Variants in CSMD3 observed in about 807,000 individuals in gnomAD.
The protein encoded by CSMD3 is CUB and sushi domain-containing protein 3.
A neutral mutation model predicts 435.2 loss-of-function variants in CSMD3; 177 were observed. That is an observed-to-expected ratio of 0.41 (90% confidence interval 0.36 to 0.46). The LOEUF (loss-of-function observed/expected upper bound fraction) is 0.46. Ranked by LOEUF, CSMD3 falls within the 20% of genes least tolerant of loss-of-function variation. CSMD3 has a pLI of 0.34. For missense variants in CSMD3, 4,265 were observed against 4,504.6 expected (o/e 0.95, Z 1.52); for synonymous variants, 1,656 against 1,520.5 (o/e 1.09, Z -2.07).
At chr8:113,292,335 T>C (rs1301747795) in intron 2 of CSMD3, among the ~76,000 whole-genome samples, 1 of 151,766 alleles carries the variant, frequency 6.6e-6, no homozygotes, top group Non-Finnish European at 1.5e-5. Flanking sequence ...CTAATTTATA[T>C]TCAAAATATT....
chr8:112,729,000 T>A (rs1159083594), intron 13 of CSMD3, among the ~76,000 whole-genome samples: 1 of 152,072 alleles, frequency 6.6e-6, no homozygotes. Context: ...TTTTACATAG[T>A]ACAAATAATG....
intron 1 of CSMD3, among the ~76,000 whole-genome samples, chr8:113,433,408 A>C (rs2094687099): frequency 6.6e-6 from 1 of 152,164 alleles, no homozygotes. Context: ...AAAGGTGCTA[A>C]TGAGTGCCTC....
intron 1 of CSMD3, among the ~76,000 whole-genome samples, chr8:113,375,092 A>G (rs1386377110): frequency 6.6e-6 from 1 of 152,182 alleles, no homozygotes; most frequent in African/African-American, 2.4e-5. Context: ...AAATTTCTCT[A>G]TGGCTTTTCC....
intron 43 of CSMD3, among the ~76,000 whole-genome samples, chr8:112,337,288 C>G (rs566816689): frequency 6.6e-6 from 1 of 152,046 alleles, no homozygotes; most frequent in Non-Finnish European, 1.5e-5. Flanking sequence ...ACCCCCTTCC[C>G]TTCCCCACAC....
At chr8:112,506,958 G>A (rs1822598029) in intron 28 of CSMD3, 129 bp from the exon 29 acceptor site, 3 of 751,758 alleles carry the variant, frequency 4.0e-6, no homozygotes. Context: ...TATAGTACTT[G>A]ATGCTTGGAT....
At chr8:112,562,062 T>C (rs1828675175) in intron 24 of CSMD3, among the ~76,000 whole-genome samples, 1 of 151,726 alleles carries the variant, frequency 6.6e-6, no homozygotes. Flanking sequence ...CACGTGTTTT[T>C]ATAGGGCATG....
chr8:112,753,245 T>C (rs757015711), intron 13 of CSMD3, among the ~76,000 whole-genome samples: 2 of 151,996 alleles, frequency 1.3e-5, no homozygotes, highest in Non-Finnish European at 2.9e-5. Context: ...AAATGGAAAA[T>C]GACAAAACCT....
At chr8:112,847,323 G>C (rs909558754) in intron 11 of CSMD3, among the ~76,000 whole-genome samples, 1 of 152,044 alleles carries the variant, frequency 6.6e-6, no homozygotes, top group African/African-American at 2.4e-5. Flanking sequence ...GAGCCCACTT[G>C]GTCCACACAT....
chr8:113,385,470 C>A (rs2094435463), intron 1 of CSMD3, among the ~76,000 whole-genome samples: 1 of 152,050 alleles, frequency 6.6e-6, no homozygotes, highest in Non-Finnish European at 1.5e-5. Context: ...TCCATACATG[C>A]ACCTTGAATG....
chr8:112,863,279 G>A (rs1440183258), intron 10 of CSMD3, among the ~76,000 whole-genome samples: 2 of 151,802 alleles, frequency 1.3e-5, no homozygotes, highest in African/African-American at 4.8e-5. Context: ...ATCTAAGATT[G>A]AAATACAACC....
chr8:112,584,646 A>G (rs140371318), intron 23 of CSMD3, among the ~76,000 whole-genome samples: 2 of 151,898 alleles, frequency 1.3e-5, no homozygotes, highest in Non-Finnish European at 3.0e-5. Context: ...CTCTCCTCCT[A>G]AACTTGATTC....
At chr8:113,083,513 G>A (rs974878005) in intron 5 of CSMD3, among the ~76,000 whole-genome samples, 1 of 151,822 alleles carries the variant, frequency 6.6e-6, no homozygotes, top group Non-Finnish European at 1.5e-5. Flanking sequence ...AATGTGTAAG[G>A]GAGTCTTATA....
intron 5 of CSMD3, among the ~76,000 whole-genome samples, chr8:113,048,249 C>T (rs999866664): frequency 1.2e-4 from 19 of 152,104 alleles, no homozygotes; most frequent in African/African-American, 4.3e-4. Context: ...CCCACTAACA[C>T]GCCCAGCTAA....
At chr8:112,811,507 C>A (rs2079227777) in intron 12 of CSMD3, among the ~76,000 whole-genome samples, 2 of 152,082 alleles carry the variant, frequency 1.3e-5, no homozygotes, top group Non-Finnish European at 2.9e-5. Context: ...TCCTGTCTTC[C>A]TGTTTCACTG....
chr8:112,318,788 C>A, intron 47 of CSMD3, 49 bp downstream of exon 47: 2 of 1,268,844 alleles, frequency 1.6e-6, no homozygotes, highest in South Asian at 2.4e-5. Context: ...TTAAGTTAAA[C>A]ATAAAGCAAA....
chr8:112,833,256 T>C (rs2079928132), intron 11 of CSMD3, among the ~76,000 whole-genome samples: 1 of 152,066 alleles, frequency 6.6e-6, no homozygotes, highest in Non-Finnish European at 1.5e-5. Flanking sequence ...AACTGACATC[T>C]TAAGGTATTG....
chr8:113,188,279 T>C (rs2092537851), intron 3 of CSMD3, among the ~76,000 whole-genome samples: 2 of 152,054 alleles, frequency 1.3e-5, no homozygotes, highest in African/African-American at 2.4e-5. Context: ...GATATTATAC[T>C]TTTAATGCGC....
At chr8:113,433,507 G>T (rs2094687704) in intron 1 of CSMD3, among the ~76,000 whole-genome samples, 1 of 152,198 alleles carries the variant, frequency 6.6e-6, no homozygotes, top group Admixed American at 6.5e-5. Context: ...TTTTCCAAAA[G>T]ACCTCTGTGG....
At chr8:113,237,413 C>T (rs1193920749) in intron 3 of CSMD3, among the ~76,000 whole-genome samples, 1 of 152,138 alleles carries the variant, frequency 6.6e-6, no homozygotes, top group Non-Finnish European at 1.5e-5. Context: ...ATTGGTATTC[C>T]TCACTAGGAA....
Sources: gnomAD v4.1 joint callset for allele counts (sites outside exome capture counted in the v4.1 genomes callset) on GRCh38, gnomAD v4.1.1 for gene constraint, MANE v1.5 for transcripts, NCBI Gene and HGNC (gene_info 2026-07-23, HGNC 2026-07-21) for gene names.